The following CAPS2 variants were observed in gnomAD, a reference collection of about 807,000 sequenced individuals.
The protein encoded by CAPS2 is calcyphosine 2, also known as calcyphosin-2.
CAPS2 carries 98 observed loss-of-function variants against 86.5 expected under a neutral mutation model. That is an observed-to-expected ratio of 1.13 (90% CI 0.96 to 1.34). CAPS2 has a LOEUF of 1.34. Among genes scored for constraint, CAPS2 ranks in the 40% most tolerant of loss-of-function variants. The pLI, the probability that CAPS2 is intolerant of heterozygous loss-of-function variation, is 0.00. For missense variants in CAPS2, 729 were observed against 686.8 expected (o/e 1.06, Z -0.69); for synonymous variants, 210 against 225.1 (o/e 0.93, Z 0.60).
chr12:75,320,558 T>G (rs2040206558), intron 5 of CAPS2, among the ~76,000 whole-genome samples: 2 of 152,202 alleles, frequency 1.3e-5, no homozygotes, highest in South Asian at 4.1e-4. Context: ...CTAATCACTG[T>G]GTGATTTATT....
exon 5 of CAPS2, chr12:75,321,434 T>C (rs1287805293): frequency 4.5e-6 from 7 of 1,547,984 alleles, no homozygotes; most frequent in East Asian, 4.9e-5. Context: ...AGACTGTTTA[T>C]GTGTAACATT....
chr12:75,278,616 G>A (rs2033316395), exon 17 of CAPS2: 2 of 1,102,200 alleles, frequency 1.8e-6, no homozygotes, highest in African/African-American at 1.6e-5. Context: ...CGCAAGATAA[G>A]TAATAAACCA....
At chr12:75,381,817 G>A (rs113689330) in intron 1 of CAPS2, among the ~76,000 whole-genome samples, 50 of 152,078 alleles carry the variant, frequency 3.3e-4, no homozygotes, top group African/African-American at 1.2e-3. Context: ...GTTTCACCAT[G>A]TTGGTCAGGA....
intron 2 of CAPS2, 53 bp downstream of exon 3, chr12:75,325,186 T>G: frequency 6.8e-7 from 1 of 1,473,442 alleles, no homozygotes; most frequent in South Asian, 1.3e-5. Flanking sequence ...CTAGTCAATG[T>G]ATGTTATATA....
chr12:75,322,267 G>A (rs2040376697), intron 4 of CAPS2, among the ~76,000 whole-genome samples: 1 of 152,048 alleles, frequency 6.6e-6, no homozygotes, highest in African/African-American at 2.4e-5. Flanking sequence ...GATAATAAGA[G>A]TCAGTGGATA....
intron 9 of CAPS2, 132 bp from the exon 10 acceptor site, chr12:75,299,098 A>G: frequency 1.8e-6 from 1 of 555,328 alleles, no homozygotes; most frequent in Non-Finnish European, 3.1e-6. Context: ...GGTTATGGGA[A>G]ACTGTAGGGA....
At chr12:75,293,254 A>G in exon 12 of CAPS2, 2 of 1,580,974 alleles carry the variant, frequency 1.3e-6, no homozygotes, top group South Asian at 2.3e-5. Flanking sequence ...CTTACTTGAG[A>G]GAATCCAAAG....
At chr12:75,366,343 T>C (rs902878818) in intron 1 of CAPS2, among the ~76,000 whole-genome samples, 11 of 152,098 alleles carry the variant, frequency 7.2e-5, no homozygotes, top group African/African-American at 2.4e-4. Context: ...TTTGTCTCAG[T>C]AGAAAAGTAA....
chr12:75,360,379 A>G (rs1041586507), intron 1 of CAPS2: 2 of 152,192 alleles, frequency 1.3e-5, no homozygotes, highest in Non-Finnish European at 2.9e-5. Context: ...ATAAGCCTGT[A>G]AAATCAAAAA....
intron 1 of CAPS2, among the ~76,000 whole-genome samples, chr12:75,389,811 C>T (rs1226063135): frequency 3.9e-5 from 6 of 152,168 alleles, no homozygotes; most frequent in Non-Finnish European, 7.3e-5. Flanking sequence ...GTATTTATCA[C>T]GTTTTAAATA....
At chr12:75,363,253 T>C in intron 1 of CAPS2, 1 of 787,682 alleles carries the variant, frequency 1.3e-6, no homozygotes, top group Non-Finnish European at 1.8e-6. Flanking sequence ...ATTTATTAAA[T>C]TTTAAAATTT....
chr12:75,353,150 T>A (rs1421389555), intron 1 of CAPS2, among the ~76,000 whole-genome samples: 2 of 150,176 alleles, frequency 1.3e-5, no homozygotes, highest in East Asian at 2.0e-4. Context: ...AAGATCAGAG[T>A]GAAACTAAAG....
At chr12:75,293,264 G>T in exon 12 of CAPS2, 1 of 1,586,962 alleles carries the variant, frequency 6.3e-7, no homozygotes, top group Non-Finnish European at 8.6e-7. Flanking sequence ...AGAATCCAAA[G>T]CTATTTGATC....
chr12:75,343,595 A>G lies in CAPS2; in HGVS notation c.-394-20373T>C, dbSNP rs893205732. On this transcript the variant is annotated intron_variant, in intron 1 of 5. Transcript: ENST00000551829. Reference sequence around the variant, plus strand: ...CAAAGAAAAACTACATCTTATTAAAATAATAAATTTAAGCAAAACTTAGTT... The same window carrying G: ...CAAAGAAAAACTACATCTTATTAAAGTAATAAATTTAAGCAAAACTTAGTT... 7.7e-6 allele frequency: 7 copies of G among 913,688 alleles called. No homozygotes were observed. The Admixed American group carries it at 2.2e-4, about 28-fold the overall frequency. 56.6% of individuals were successfully genotyped at this position (913,688 alleles called of 1,614,324 possible).
intron 7 of CAPS2, chr12:75,306,056 C>A (rs940810834): frequency 1.4e-6 from 2 of 1,465,566 alleles, no homozygotes; most frequent in Admixed American, 1.9e-5. Context: ...GAGACAGCGC[C>A]GTCTAGAACG....
chr12:75,282,438 G>C lies in CAPS2; in HGVS notation c.1516-91C>G, dbSNP rs1405377732. 6.2e-6 allele frequency: 5 copies of C among 801,266 alleles called. No individual in the cohort carries two copies. The Admixed American group carries it at 9.0e-5, about 14-fold the overall frequency. The allele number at this position is 801,266 out of a possible 1,614,324, so 49.6% of individuals were successfully genotyped here. On this transcript the variant is annotated intron_variant, in intron 15 of 16. Coordinates refer to ENST00000393284, the Ensembl canonical transcript of CAPS2. Reference sequence around the variant, plus strand: ...GTCTCGCTCTGTCACCCAGACTGGAGTGCAATGGCGTGATCTCAGCTCACT... The same window carrying C: ...GTCTCGCTCTGTCACCCAGACTGGACTGCAATGGCGTGATCTCAGCTCACT...
intron 1 of CAPS2, among the ~76,000 whole-genome samples, chr12:75,348,802 A>G (rs1032548468): frequency 1.3e-5 from 2 of 152,252 alleles, no homozygotes; most frequent in Non-Finnish European, 2.9e-5. Flanking sequence ...ATAAAAAGCA[A>G]AACAGATGAA....
intron 1 of CAPS2, among the ~76,000 whole-genome samples, chr12:75,376,547 A>G (rs1459627213): frequency 6.6e-6 from 1 of 152,184 alleles, no homozygotes; most frequent in Admixed American, 6.5e-5. Flanking sequence ...CAGGCAGTAC[A>G]GGGTTAATCT....
intron 5 of CAPS2, among the ~76,000 whole-genome samples, chr12:75,321,104 T>C (rs2040256689): frequency 6.6e-6 from 1 of 152,006 alleles, no homozygotes; most frequent in African/African-American, 2.4e-5. Context: ...CATAATACTG[T>C]CTTATTTCTA....
Sources: gnomAD v4.1 joint callset for allele counts (sites outside exome capture counted in the v4.1 genomes callset) on GRCh38, gnomAD v4.1.1 for gene constraint, MANE v1.5 for transcripts, NCBI Gene and HGNC (gene_info 2026-07-23, HGNC 2026-07-21) for gene names.